Variants in WASF3 observed in about 807,000 individuals in gnomAD.
The protein encoded by WASF3 is WASP family member 3.
In WASF3, 11 loss-of-function variants were observed where a neutral mutation model predicts 46.6. That is an observed-to-expected ratio of 0.24 (90% CI 0.15 to 0.39). WASF3 has a LOEUF of 0.39. WASF3 is among the 10% of genes least tolerant of loss of function. The pLI, the probability that WASF3 is intolerant of heterozygous loss-of-function variation, is 1.00. For synonymous variants in WASF3, 242 were observed against 259.7 expected (o/e 0.93, Z 0.65); for missense variants, 576 against 669.8 (o/e 0.86, Z 1.55).
intron 2 of WASF3, chr13:26,619,394 G>T (rs1311921401): frequency 6.6e-6 from 1 of 152,150 alleles, no homozygotes; most frequent in Non-Finnish European, 1.5e-5. Flanking sequence ...CTTGGAGGCT[G>T]GGTATATATT....
chr13:26,587,212 G>C (rs1463573490), intron 1 of WASF3, among the ~76,000 whole-genome samples: 2 of 129,398 alleles, frequency 1.5e-5, no homozygotes, highest in African/African-American at 2.9e-5. Flanking sequence ...TTTTAGTATT[G>C]CAGAGGGGTC....
At chr13:26,634,226 C>A (rs1881745572) in intron 2 of WASF3, among the ~76,000 whole-genome samples, 1 of 152,174 alleles carries the variant, frequency 6.6e-6, no homozygotes, top group Admixed American at 6.5e-5. Context: ...GAAGTGATCC[C>A]TTTACCATTA....
intron 5 of WASF3, among the ~76,000 whole-genome samples, chr13:26,669,616 C>T (rs563462933): frequency 1.2e-4 from 19 of 152,150 alleles, no homozygotes; most frequent in African/African-American, 2.9e-4. Context: ...CGGGTTCAAG[C>T]GATTCTCCTG....
At chr13:26,630,097 G>A (rs114906411) in intron 2 of WASF3, among the ~76,000 whole-genome samples, 254 of 152,136 alleles carry the variant, frequency 1.7e-3, no homozygotes, top group African/African-American at 5.8e-3. Context: ...TTTTACCTCA[G>A]CAATAATGTT....
chr13:26,559,450 A>G (rs75695435), intron 1 of WASF3, among the ~76,000 whole-genome samples: 1 of 152,154 alleles, frequency 6.6e-6, no homozygotes, highest in Non-Finnish European at 1.5e-5. Context: ...GATGTGCTTC[A>G]CTATCTTCAA....
intron 1 of WASF3, among the ~76,000 whole-genome samples, chr13:26,565,899 T>A (rs1879450020): frequency 6.6e-6 from 1 of 152,202 alleles, no homozygotes; most frequent in South Asian, 2.1e-4. Flanking sequence ...GAAAACTTCT[T>A]CCATTTCTGA....
intron 1 of WASF3, among the ~76,000 whole-genome samples, chr13:26,601,222 A>G (rs1165315316): frequency 2.0e-5 from 3 of 152,200 alleles, no homozygotes; most frequent in East Asian, 1.9e-4. Context: ...GGAAATTTCC[A>G]TGGAATTCCA....
intron 5 of WASF3, among the ~76,000 whole-genome samples, chr13:26,668,598 G>T (rs559702476): frequency 6.6e-6 from 1 of 152,254 alleles, no homozygotes; most frequent in Non-Finnish European, 1.5e-5. Context: ...GGAGTGCATA[G>T]AATTTTTCTT....
At chr13:26,684,435 G>A (rs929836861) in intron 9 of WASF3, among the ~76,000 whole-genome samples, 4 of 147,614 alleles carry the variant, frequency 2.7e-5, no homozygotes, top group African/African-American at 1.0e-4. Context: ...CACAAAGACT[G>A]TGAAGAACTA....
intron 3 of WASF3, among the ~76,000 whole-genome samples, chr13:26,657,822 A>G (rs575635303): frequency 6.6e-6 from 1 of 152,344 alleles, no homozygotes; most frequent in East Asian, 1.9e-4. Context: ...TTATAACACT[A>G]TTCTTATTCA....
At chr13:26,572,457 GGGCTTTTTT>G (rs542812275) in intron 1 of WASF3, among the ~76,000 whole-genome samples, 514 of 152,182 alleles carry the variant, frequency 3.4e-3, no homozygotes, top group Non-Finnish European at 6.1e-3. Flanking sequence ...ATTTTGTTGA[GGGCTTTTTT>G]GGCCTCCTGT....
At chr13:26,626,032 G>A (rs1881453965) in intron 2 of WASF3, 1 of 152,116 alleles carries the variant, frequency 6.6e-6, no homozygotes, top group Non-Finnish European at 1.5e-5. Flanking sequence ...ATGTGTTAAA[G>A]AAAAAATTAT....
chr13:26,643,358 C>T (rs1406417474), intron 3 of WASF3, among the ~76,000 whole-genome samples: 2 of 152,044 alleles, frequency 1.3e-5, no homozygotes, highest in South Asian at 2.1e-4. Context: ...TTTAACTCAA[C>T]TACTTTTATT....
chr13:26,573,977 G>T (rs1199106785), intron 1 of WASF3, among the ~76,000 whole-genome samples: 1 of 152,044 alleles, frequency 6.6e-6, no homozygotes, highest in East Asian at 1.9e-4. Flanking sequence ...TGTTATTTTT[G>T]CTGTATAATT....
At chr13:26,636,013 G>A (rs1019176217) in intron 2 of WASF3, among the ~76,000 whole-genome samples, 5 of 152,232 alleles carry the variant, frequency 3.3e-5, no homozygotes, top group Admixed American at 6.5e-5. Flanking sequence ...GAGCTCAAAC[G>A]CCATGCTGGG....
chr13:26,632,760 T>G (rs895534091), intron 2 of WASF3, among the ~76,000 whole-genome samples: 5 of 152,140 alleles, frequency 3.3e-5, no homozygotes, highest in Non-Finnish European at 7.4e-5. Flanking sequence ...CCAGCTCCTC[T>G]TTGTACCTCT....
the WASF3 span, among the ~76,000 whole-genome samples, chr13:26,545,427 A>G: frequency 6.6e-6 from 1 of 152,110 alleles, no homozygotes; most frequent in Non-Finnish European, 1.5e-5. Context: ...GTTAGTCTCC[A>G]TAATGCCTTC....
At chr13:26,569,053 T>C (rs896310124) in intron 1 of WASF3, among the ~76,000 whole-genome samples, 1 of 152,168 alleles carries the variant, frequency 6.6e-6, no homozygotes, top group Non-Finnish European at 1.5e-5. Context: ...TTTAAATTAG[T>C]GTAGAAGAGG....
chr13:26,550,828 G>C, the WASF3 span, among the ~76,000 whole-genome samples: 1 of 152,294 alleles, frequency 6.6e-6, no homozygotes, highest in East Asian at 1.9e-4. Context: ...GGGGAAGTGG[G>C]GGCAATGTGG....
Sources: allele counts gnomAD v4.1 joint callset (sites outside exome capture counted in the v4.1 genomes callset), GRCh38; gene constraint gnomAD v4.1.1; transcripts MANE v1.5; gene names NCBI Gene and HGNC (gene_info 2026-07-23, HGNC 2026-07-21).